Variants in BRINP3 observed in about 807,000 individuals in gnomAD.
BRINP3 encodes BMP/retinoic acid inducible neural specific 3.
BRINP3 carries 19 observed loss-of-function variants against 71.0 expected under a neutral mutation model. That is an observed-to-expected ratio of 0.27 (90% confidence interval 0.19 to 0.39). The LOEUF (loss-of-function observed/expected upper bound fraction) is 0.39. Ranked by LOEUF, BRINP3 falls within the 10% of genes least tolerant of loss-of-function variation. BRINP3 has a pLI of 1.00. For missense variants in BRINP3, 959 were observed against 940.8 expected, an observed-to-expected ratio of 1.02 and a Z score of -0.25; for synonymous variants, 380 against 337.7, an observed-to-expected ratio of 1.13 and a Z score of -1.37.
At chr1:190,207,915 GA>G (rs1411512120) in intron 6 of BRINP3, among the ~76,000 whole-genome samples, 1 of 152,024 alleles carries the variant, frequency 6.6e-6, no homozygotes, top group East Asian at 1.9e-4. Context: ...GTATAGAGTT[GA>G]ACTCGCTCTA....
chr1:190,471,353 A>G (rs1334939529), intron 1 of BRINP3, among the ~76,000 whole-genome samples: 32 of 151,452 alleles, frequency 2.1e-4, no homozygotes, highest in Admixed American at 2.0e-3. Context: ...TTATTAAACT[A>G]TCCTCCTCCT....
intron 6 of BRINP3, among the ~76,000 whole-genome samples, chr1:190,201,296 C>T (rs815328): frequency 0.62 from 93,491 of 151,922 alleles, 30,141 homozygotes; most frequent in African/African-American, 0.83. Context: ...ACTTTGAGCT[C>T]GAGAGAGATG....
intron 2 of BRINP3, among the ~76,000 whole-genome samples, chr1:190,451,196 A>AT (rs1558298542): frequency 1.3e-5 from 2 of 151,276 alleles, no homozygotes; most frequent in African/African-American, 4.9e-5. Context: ...AGAAAAAAAA[A>AT]ATTTTTGTTT....
intron 2 of BRINP3, among the ~76,000 whole-genome samples, chr1:190,305,095 T>TA (rs1296729991): frequency 1.3e-5 from 2 of 151,664 alleles, no homozygotes; most frequent in Non-Finnish European, 2.9e-5. Context: ...ATGGCTGTTA[T>TA]AAAAAATAAA....
Position 190,335,583 on chromosome 1 carries a change from G to A in BRINP3, c.237-53833C>T, listed in dbSNP as rs115775995. Among the ~76,000 whole-genome samples, 357 of 151,702 alleles carry A rather than the reference G, an allele frequency of 2.4e-3. 1 individual carries two copies. The highest frequency in any genetic ancestry group is 4.3e-3 in the Non-Finnish European group (291 of 67,818). ...TAAATATATTTATTTTCTGAAGTTTGTATAAAATCTTAACCCCAAATGGAT... is the reference window on the plus strand; with the variant it reads ...TAAATATATTTATTTTCTGAAGTTTATATAAAATCTTAACCCCAAATGGAT... On this transcript the variant is annotated intron_variant, in intron 2 of 7. Coordinates refer to ENST00000367462, the MANE Select transcript of BRINP3 (RefSeq NM_199051.3).
intron 4 of BRINP3, among the ~76,000 whole-genome samples, chr1:190,242,738 ATAT>A (rs1259175602): frequency 6.6e-6 from 1 of 152,126 alleles, no homozygotes; most frequent in Non-Finnish European, 1.5e-5. Flanking sequence ...ATTGCAAACA[ATAT>A]CATGTATATC....
chr1:190,225,930 A>C lies in BRINP3; in HGVS notation c.961+152T>G, dbSNP rs1657327022. The C allele has an allele frequency of 2.4e-5, 14 of 588,710 alleles. No individual in the cohort carries two copies. The South Asian group carries it at 3.2e-4, about 13-fold the overall frequency. 36.5% of individuals were successfully genotyped at this position (588,710 alleles called of 1,614,324 possible). On this transcript the variant is annotated intron_variant, in intron 6 of 7. Transcript: ENST00000367462. Reference sequence around the variant, plus strand: ...ATACACAAAGCACTAGTTAATAACCAGTAGTAAAAGCAATGAAAATGTCCA... The same window carrying C: ...ATACACAAAGCACTAGTTAATAACCCGTAGTAAAAGCAATGAAAATGTCCA...
chr1:190,152,923 A>G (rs1178585597), intron 7 of BRINP3, among the ~76,000 whole-genome samples: 1 of 152,118 alleles, frequency 6.6e-6, no homozygotes, highest in Non-Finnish European at 1.5e-5. Context: ...TCAACTCACA[A>G]CTGTCTAAGA....
At chr1:190,225,070 A>C (rs1477522934) in intron 6 of BRINP3, among the ~76,000 whole-genome samples, 1 of 151,938 alleles carries the variant, frequency 6.6e-6, no homozygotes, top group Non-Finnish European at 1.5e-5. Flanking sequence ...AACTCTATGG[A>C]GTTTGCTCAA....
chr1:190,279,991 A>T (rs1169295758), intron 3 of BRINP3, among the ~76,000 whole-genome samples: 2 of 151,928 alleles, frequency 1.3e-5, no homozygotes, highest in Non-Finnish European at 2.9e-5. Context: ...AATTATAGCC[A>T]TGGGGATGAA....
At chr1:190,328,332 A>T (rs1306426205) in intron 2 of BRINP3, among the ~76,000 whole-genome samples, 1 of 152,128 alleles carries the variant, frequency 6.6e-6, no homozygotes, top group Non-Finnish European at 1.5e-5. Context: ...AGAAAAATAC[A>T]CAGAAGATTC....
chr1:190,156,107 A>G lies in BRINP3; in HGVS notation c.1184+4561T>C. On this transcript the variant is annotated intron_variant, in intron 7 of 7. Coordinates refer to ENST00000367462, the MANE Select transcript of BRINP3 (RefSeq NM_199051.3). Reference sequence around the variant, plus strand: ...TTTAGAGTTTACTCAAGTAAGAAAAATGATTTTTATGTCGCATGAATTCCT... The same window carrying G: ...TTTAGAGTTTACTCAAGTAAGAAAAGTGATTTTTATGTCGCATGAATTCCT... 1.3e-5 allele frequency among the ~76,000 whole-genome samples: 2 copies of G among 152,148 alleles called. 1 individual carries two copies. The highest frequency in any genetic ancestry group is 3.9e-4 in the East Asian group (2 of 5,194).
chr1:190,150,221 A>C (rs1184487501), intron 7 of BRINP3, among the ~76,000 whole-genome samples: 1 of 151,930 alleles, frequency 6.6e-6, no homozygotes, highest in Non-Finnish European at 1.5e-5. Flanking sequence ...GTTGGTATAT[A>C]TGTGCATATG....
intron 6 of BRINP3, among the ~76,000 whole-genome samples, chr1:190,189,856 A>G (rs1367757148): frequency 3.3e-5 from 5 of 152,110 alleles, no homozygotes; most frequent in African/African-American, 1.2e-4. Flanking sequence ...TTATTGTAAG[A>G]TACAGGTACT....
At chr1:190,190,884 G>C (rs533351239) in intron 6 of BRINP3, among the ~76,000 whole-genome samples, 1 of 152,080 alleles carries the variant, frequency 6.6e-6, no homozygotes, top group East Asian at 1.9e-4. Context: ...TCACCAAATA[G>C]AATAGGATGG....
chr1:190,202,241 T>G (rs2184108), intron 6 of BRINP3, among the ~76,000 whole-genome samples: 93,527 of 151,930 alleles, frequency 0.62, 30,167 homozygotes, highest in African/African-American at 0.83. Flanking sequence ...AGATTTGACT[T>G]CCCCACTGGA....
intron 2 of BRINP3, among the ~76,000 whole-genome samples, chr1:190,408,810 A>G (rs1453010232): frequency 6.6e-6 from 1 of 152,174 alleles, no homozygotes; most frequent in East Asian, 1.9e-4. Context: ...TTAAGCTGTC[A>G]ACCTCCAGAT....
At chr1:190,165,453 T>TA (rs1651421799) in intron 6 of BRINP3, among the ~76,000 whole-genome samples, 7 of 106,462 alleles carry the variant, frequency 6.6e-5, no homozygotes, top group African/African-American at 2.7e-4. Context: ...GTTTTTTTTT[T>TA]TTTTTTTTGT....
intron 2 of BRINP3, among the ~76,000 whole-genome samples, chr1:190,366,295 CA>C (rs1038406303): frequency 2.6e-5 from 4 of 152,032 alleles, no homozygotes; most frequent in African/African-American, 7.2e-5. Context: ...AAGGTGGCAG[CA>C]AAGAGAAGTG....
Sources: allele counts gnomAD v4.1 joint callset (sites outside exome capture counted in the v4.1 genomes callset), GRCh38; gene constraint gnomAD v4.1.1; transcripts MANE v1.5; gene names NCBI Gene and HGNC (gene_info 2026-07-23, HGNC 2026-07-21).